Variants in CCSER1 observed in about 807,000 individuals in gnomAD.
The protein encoded by CCSER1 is coiled-coil serine rich protein 1, also known as serine-rich coiled-coil domain-containing protein 1.
A neutral mutation model predicts 82.0 loss-of-function variants in CCSER1; 41 were observed. That is an observed-to-expected ratio of 0.50 (90% confidence interval 0.39 to 0.65). The LOEUF (loss-of-function observed/expected upper bound fraction) is 0.65. Among genes scored for constraint, CCSER1 ranks in the 30% least tolerant of loss-of-function variants. CCSER1 has a pLI of 0.00. For synonymous variants in CCSER1, 414 were observed against 383.9 expected, an observed-to-expected ratio of 1.08 and a Z score of -0.92; for missense variants, 1,119 against 1,064.2, an observed-to-expected ratio of 1.05 and a Z score of -0.72.
chr4:91,548,948 C>T (rs970627598), intron 10 of CCSER1, among the ~76,000 whole-genome samples: 1 of 152,034 alleles, frequency 6.6e-6, no homozygotes, highest in African/African-American at 2.4e-5. Flanking sequence ...AATATTGCTT[C>T]TGTTTTTTTC....
intron 3 of CCSER1, among the ~76,000 whole-genome samples, chr4:90,316,398 C>A (rs974556527): frequency 6.6e-6 from 1 of 152,158 alleles, no homozygotes; most frequent in Non-Finnish European, 1.5e-5. Context: ...AGCAATCTAA[C>A]CTTGCTTGCT....
At chr4:90,179,364 G>T (rs1379979367) in intron 1 of CCSER1, among the ~76,000 whole-genome samples, 3 of 152,134 alleles carry the variant, frequency 2.0e-5, no homozygotes, top group Non-Finnish European at 4.4e-5. Context: ...TCCAACATGT[G>T]CAAGATATTT....
In CCSER1 at chr4:91,296,483, A is replaced by ATTTATT. The variant is rs1553921462; in HGVS notation, c.2217+210490_2217+210491insTTATTT. Among the ~76,000 whole-genome samples the ATTTATT allele has an allele frequency of 9.0e-3, 1,117 of 123,936 alleles. 106 individuals are homozygous for ATTTATT. The highest frequency in any genetic ancestry group is 0.035 in the African/African-American group (1,018 of 29,128). 81.3% of individuals were successfully genotyped at this position (123,936 alleles called of 152,430 possible). On this transcript the variant is annotated intron_variant, in intron 10 of 10. Transcript: ENST00000509176. ...TATATATATGTATATATATATATAT[A>ATTTATT]TATTTTAATTAAATATACAGTTATC...
chr4:90,675,526 G>A (rs1441428933), intron 6 of CCSER1, among the ~76,000 whole-genome samples: 1 of 151,738 alleles, frequency 6.6e-6, no homozygotes, highest in East Asian at 1.9e-4. Flanking sequence ...TAATGTTAGT[G>A]TATATCTTAT....
intron 10 of CCSER1, among the ~76,000 whole-genome samples, chr4:91,377,559 G>C (rs942182705): frequency 3.3e-5 from 5 of 152,324 alleles, no homozygotes; most frequent in Non-Finnish European, 5.9e-5. Flanking sequence ...TTTGAGAAGT[G>C]TCTGTTCATA....
chr4:90,803,885 C>G (rs946023867), intron 7 of CCSER1, among the ~76,000 whole-genome samples: 1 of 152,160 alleles, frequency 6.6e-6, no homozygotes, highest in Non-Finnish European at 1.5e-5. Context: ...TGTTTTCTGA[C>G]TTCTTAATGA....
intron 5 of CCSER1, among the ~76,000 whole-genome samples, chr4:90,577,121 A>G (rs1780856321): frequency 6.6e-6 from 1 of 152,036 alleles, no homozygotes; most frequent in Non-Finnish European, 1.5e-5. Flanking sequence ...TTAATGACAT[A>G]TGGTGTTGAG....
At chr4:90,177,911 A>T (rs1161835957) in intron 1 of CCSER1, among the ~76,000 whole-genome samples, 4 of 152,090 alleles carry the variant, frequency 2.6e-5, no homozygotes, top group African/African-American at 9.7e-5. Flanking sequence ...TCTGAAATCC[A>T]AAGTGCTCCA....
At chr4:90,198,224 G>T (rs1736962367) in intron 1 of CCSER1, among the ~76,000 whole-genome samples, 1 of 152,052 alleles carries the variant, frequency 6.6e-6, no homozygotes, top group Non-Finnish European at 1.5e-5. Context: ...GTGTGGGTGG[G>T]TGGGAAATGA....
chr4:90,581,344 T>C (rs530456173), intron 5 of CCSER1, among the ~76,000 whole-genome samples: 1 of 152,236 alleles, frequency 6.6e-6, no homozygotes, highest in South Asian at 2.1e-4. Context: ...AAAAAAAGAC[T>C]TTTAGTAGAC....
chr4:91,177,844 C>G (rs892261688), intron 10 of CCSER1, among the ~76,000 whole-genome samples: 2 of 152,096 alleles, frequency 1.3e-5, no homozygotes, highest in Non-Finnish European at 2.9e-5. Flanking sequence ...TATTTCTTGC[C>G]TTCTCCTAGC....
At chr4:90,143,362 G>T in intron 1 of CCSER1, among the ~76,000 whole-genome samples, 1 of 151,902 alleles carries the variant, frequency 6.6e-6, no homozygotes, top group East Asian at 1.9e-4. Context: ...TAAGGTAGCT[G>T]CAATTTTATA....
intron 10 of CCSER1, among the ~76,000 whole-genome samples, chr4:91,387,504 T>C (rs1173076195): frequency 1.3e-5 from 2 of 152,056 alleles, no homozygotes; most frequent in East Asian, 3.8e-4. Context: ...TCAAAATCTA[T>C]GAAATATTAT....
intron 8 of CCSER1, among the ~76,000 whole-genome samples, chr4:90,885,771 T>C (rs1722033874): frequency 6.6e-6 from 1 of 152,166 alleles, no homozygotes; most frequent in Non-Finnish European, 1.5e-5. Context: ...ATCAGATACA[T>C]AAATCAAATC....
intron 10 of CCSER1, among the ~76,000 whole-genome samples, chr4:91,141,233 A>C (rs1728995989): frequency 6.6e-6 from 1 of 151,454 alleles, no homozygotes; most frequent in Admixed American, 6.6e-5. Flanking sequence ...GGCTCACTGC[A>C]ACCTCTACCT....
chr4:90,432,054 G>C (rs1051952323), intron 4 of CCSER1, among the ~76,000 whole-genome samples: 1 of 151,942 alleles, frequency 6.6e-6, no homozygotes, highest in Non-Finnish European at 1.5e-5. Context: ...AGAAATCTTG[G>C]GTAGTGCCAG....
chr4:90,142,196 T>A (rs1427875061), intron 1 of CCSER1, among the ~76,000 whole-genome samples: 2 of 152,204 alleles, frequency 1.3e-5, no homozygotes, highest in Non-Finnish European at 2.9e-5. Context: ...CAAACACAGA[T>A]CTTCTACTTT....
chr4:91,238,419 T>C (rs1280580640), intron 10 of CCSER1, among the ~76,000 whole-genome samples: 2 of 152,202 alleles, frequency 1.3e-5, no homozygotes, highest in African/African-American at 2.4e-5. Flanking sequence ...TTGGCTGATA[T>C]TTTGATTTCA....
intron 5 of CCSER1, among the ~76,000 whole-genome samples, chr4:90,493,062 T>A (rs1768329412): frequency 6.6e-6 from 1 of 152,092 alleles, no homozygotes; most frequent in East Asian, 1.9e-4. Flanking sequence ...TGTAGAGAAG[T>A]CCTTAAATTA....
Sources: gnomAD v4.1 joint callset for allele counts (sites outside exome capture counted in the v4.1 genomes callset) on GRCh38, gnomAD v4.1.1 for gene constraint, MANE v1.5 for transcripts, NCBI Gene and HGNC (gene_info 2026-07-23, HGNC 2026-07-21) for gene names.